Variants in PALD1 observed in about 807,000 individuals in gnomAD.
PALD1 encodes paladin.
A neutral mutation model predicts 96.0 loss-of-function variants in PALD1; 57 were observed. That is an observed-to-expected ratio of 0.59 (90% CI 0.48 to 0.74). The LOEUF (loss-of-function observed/expected upper bound fraction) is 0.74. PALD1 is among the 30% of genes least tolerant of loss of function. The probability of loss-of-function intolerance (pLI) is 0.00; values close to 1 mark genes in which losing one functional copy is unlikely to be tolerated. For synonymous variants in PALD1, 464 were observed against 473.6 expected, an observed-to-expected ratio of 0.98 and a Z score of 0.26; for missense variants, 1,063 against 1,143.7, an observed-to-expected ratio of 0.93 and a Z score of 1.02.
Position 70,532,746 on chromosome 10 carries a change from G to A in PALD1, c.759G>A (p.Val253=), listed in dbSNP as rs1589200337. ...GEDDLHVTEE[V]YKRPLFLQPT... is the part of the protein sequence containing the mutation. The stretch of plus-strand genomic sequence containing the variant: ...ACGACTTGCATGTGACGGAGGAGGT[G>A]TACAAGCGGCCCCTCTTCCTGCAGC... Residue 253 remains valine, a synonymous_variant, in exon 6 of 20, where the codon GTG becomes GTA. Transcript: ENST00000263563. The A allele has an allele frequency of 7.4e-6, 12 of 1,614,156 alleles. No individual in the cohort carries two copies. Among genetic ancestry groups the A allele is most frequent in the Non-Finnish European group, 1.0e-5 (12 of 1,180,016 alleles).
chr10:70,529,207 T>TTGG, intron 2 of PALD1, 22 bp from the exon 3 acceptor site: 2 of 391,772 alleles, frequency 5.1e-6, no homozygotes, highest in African/African-American at 5.3e-5. Context: ...GTTTCCATTC[T>TTGG]GCCCCCCCCC....
the PALD1 span, among the ~76,000 whole-genome samples, chr10:70,463,882 G>A: frequency 2.6e-5 from 4 of 152,292 alleles, no homozygotes; most frequent in African/African-American, 9.6e-5. Flanking sequence ...TAGTTCAGAG[G>A]CCCTGAGGAC....
At position 70,566,449 on chromosome 10, in the gene PALD1, T is replaced by C. The variant is rs78059226; in HGVS notation, c.2419-132T>C. The C allele has an allele frequency of 2.7e-3, 1,839 of 674,102 alleles. 27 individuals carry two copies. In the African/African-American group the frequency reaches 0.03, roughly 11 times the overall value. The allele number at this position is 674,102 out of a possible 1,614,324, so 41.8% of individuals were successfully genotyped here. A position where few individuals can be genotyped will look rare whatever the true frequency, so the allele number is the denominator to read the frequency against. On this transcript the variant is annotated intron_variant, in intron 19 of 19. Transcript: ENST00000263563. The stretch of plus-strand genomic sequence containing the variant: ...TGAGGAAACTGACGCTCAGAGAAGT[T>C]AACAGAAGTCAAGGTGCAAACTTGT...
At chr10:70,460,704 G>C in the PALD1 span, among the ~76,000 whole-genome samples, 1 of 152,138 alleles carries the variant, frequency 6.6e-6, no homozygotes, top group Non-Finnish European at 1.5e-5. Context: ...AGCTAGATGG[G>C]ATGGCATCAC....
chr10:70,490,370 T>G (rs893008808), intron 1 of PALD1, among the ~76,000 whole-genome samples: 46 of 152,166 alleles, frequency 3.0e-4, no homozygotes, highest in African/African-American at 1.1e-3. Context: ...CACAGGCATG[T>G]GCCACCACAT....
At chr10:70,533,285 A>G (rs1441864087) in intron 7 of PALD1, among the ~76,000 whole-genome samples, 4 of 148,930 alleles carry the variant, frequency 2.7e-5, no homozygotes, top group African/African-American at 5.0e-5. Flanking sequence ...GTGTGTGTAC[A>G]TGTTTATGTG....
At position 70,493,572 on chromosome 10, in the gene PALD1, C is replaced by G. The variant is rs188255425; in HGVS notation, c.-30+14513C>G. 5.7e-4 allele frequency among the ~76,000 whole-genome samples: 87 copies of G among 152,344 alleles called. 1 individual carries two copies. The Middle Eastern group carries it at 0.014, about 24-fold the overall frequency. On this transcript the variant is annotated intron_variant, in intron 1 of 19. Coordinates refer to ENST00000263563, the MANE Select transcript of PALD1 (RefSeq NM_014431.3). The stretch of plus-strand genomic sequence containing the variant: ...TGCAGCTGAGGGTGGCGTTGGCCCC[C>G]TTGTCTGTCTGTTCAGTCCTCACTG...
intron 10 of PALD1, among the ~76,000 whole-genome samples, chr10:70,535,307 C>T (rs757412147): frequency 7.9e-5 from 12 of 152,212 alleles, no homozygotes; most frequent in African/African-American, 1.2e-4. Context: ...TATCATACAG[C>T]GCATGGAAAG....
In PALD1 at chr10:70,549,905, G is replaced by A. The variant is rs1036996215; in HGVS notation, c.2262+2459G>A. Reference sequence around the variant, plus strand: ...GCAGAGCCAGCTAGGATTCTTACCCGCTCCCACCAGGTCACCCACCCCCTT... The same window carrying A: ...GCAGAGCCAGCTAGGATTCTTACCCACTCCCACCAGGTCACCCACCCCCTT... On this transcript the variant is annotated intron_variant, in intron 18 of 19. Transcript: ENST00000263563. 3.3e-5 allele frequency among the ~76,000 whole-genome samples: 5 copies of A among 152,160 alleles called. No individual in the cohort carries two copies. In the East Asian group the frequency reaches 9.6e-4, roughly 29 times the overall value.
At chr10:70,503,492 C>T (rs1416644064) in intron 1 of PALD1, among the ~76,000 whole-genome samples, 2 of 151,860 alleles carry the variant, frequency 1.3e-5, no homozygotes, top group African/African-American at 2.4e-5. Flanking sequence ...AAAAATTAGC[C>T]GGGCATGGTG....
intron 1 of PALD1, among the ~76,000 whole-genome samples, chr10:70,519,227 G>A (rs1214043517): frequency 6.6e-6 from 1 of 152,196 alleles, no homozygotes; most frequent in African/African-American, 2.4e-5. Context: ...ACAGGTGTGA[G>A]CTACTGTGCC....
chr10:70,534,367 G>A (rs1044560878), intron 8 of PALD1, 58 bp from the exon 9 acceptor site: 6 of 1,171,172 alleles, frequency 5.1e-6, no homozygotes, highest in African/African-American at 3.0e-5. Context: ...GACAGCAGGC[G>A]GGTGGCCGTG....
the PALD1 span, among the ~76,000 whole-genome samples, chr10:70,472,253 T>C: frequency 1.3e-5 from 2 of 152,266 alleles, no homozygotes; most frequent in South Asian, 2.1e-4. Flanking sequence ...GCAACAGATC[T>C]GAGTTATTTA....
intron 1 of PALD1, among the ~76,000 whole-genome samples, chr10:70,494,059 C>CGGCTA (rs1387982259): frequency 6.6e-6 from 1 of 152,144 alleles, no homozygotes; most frequent in African/African-American, 2.4e-5. Context: ...ACAGCCGCAC[C>CGGCTA]GGCTAGCTCA....
At position 70,529,520 on chromosome 10, in the gene PALD1, G is replaced by A. The variant is rs531600895; in HGVS notation, c.288+189G>A. Among the ~76,000 whole-genome samples the A allele has an allele frequency of 2.0e-5, 3 of 151,982 alleles. No homozygotes were observed. The South Asian group carries it at 6.3e-4, about 32-fold the overall frequency. On this transcript the variant is annotated intron_variant, in intron 3 of 19. Coordinates refer to ENST00000263563, the MANE Select transcript of PALD1 (RefSeq NM_014431.3). ...GGTTGATTCCTGGTGCCCCAGCTCT[G>A]CCTTCCTACAAAAGCCCCTTCCAGG...
At position 70,534,775 on chromosome 10, in the gene PALD1, G is replaced by T; in HGVS notation, c.1159G>T (p.Asp387Tyr). ...RAITACAELH[D>Y]LKEVVLENQK... The stretch of plus-strand genomic sequence containing the variant: ...CATCACTGCCTGTGCCGAGTTGCAT[G>T]ACCTGAAAGAAGTGGTCTTGGAAAA... The change falls in exon 10 of 20, where the codon GAC (aspartate) becomes TAC (tyrosine). Residue 387 changes from aspartate (D) to tyrosine (Y), a missense_variant. Physicochemically the swap from Asp to Tyr is radical, Grantham distance 160. Coordinates refer to ENST00000263563, the MANE Select transcript of PALD1 (RefSeq NM_014431.3). 1 of 1,610,056 alleles carries T rather than the reference G, an allele frequency of 6.2e-7. No individual in the cohort carries two copies. The highest frequency in any genetic ancestry group is 1.1e-5 in the South Asian group (1 of 90,492).
At chr10:70,528,933 G>A (rs999717151) in intron 2 of PALD1, among the ~76,000 whole-genome samples, 3 of 152,126 alleles carry the variant, frequency 2.0e-5, no homozygotes, top group Non-Finnish European at 2.9e-5. Context: ...GAATTTGCAC[G>A]CACATCACTT....
intron 1 of PALD1, among the ~76,000 whole-genome samples, chr10:70,499,128 A>C (rs1169508631): frequency 6.6e-6 from 1 of 152,220 alleles, no homozygotes; most frequent in African/African-American, 2.4e-5. Context: ...AACTAGGCTC[A>C]GAGAAGTTCG....
At chr10:70,513,772 C>T (rs912888348) in intron 1 of PALD1, among the ~76,000 whole-genome samples, 13 of 152,180 alleles carry the variant, frequency 8.5e-5, no homozygotes, top group African/African-American at 2.7e-4. Flanking sequence ...ACAGCCTTTC[C>T]CTGCTCCCCA....
Sources: gnomAD v4.1 joint callset for allele counts (sites outside exome capture counted in the v4.1 genomes callset) on GRCh38, gnomAD v4.1.1 for gene constraint, MANE v1.5 for transcripts, NCBI Gene and HGNC (gene_info 2026-07-23, HGNC 2026-07-21) for gene names.